Variants in TEX9 observed in about 807,000 individuals in gnomAD.
The protein encoded by TEX9 is testis expressed 9.
TEX9 carries 74 observed loss-of-function variants against 59.6 expected under a neutral mutation model. The ratio of observed to expected loss-of-function variants is 1.24; its 90% CI spans 1.03 to 1.51. TEX9 has a LOEUF of 1.51. TEX9 is among the 40% of genes most tolerant of loss of function. The probability of loss-of-function intolerance (pLI) is 0.00; values close to 1 mark genes in which losing one functional copy is unlikely to be tolerated. For missense variants in TEX9, 522 were observed against 447.8 expected (o/e 1.17, Z -1.49); for synonymous variants, 186 against 152.2 (o/e 1.22, Z -1.64).
chr15:56,400,255 GCTAA>G (rs1328978608), intron 9 of TEX9, among the ~76,000 whole-genome samples: 1 of 152,156 alleles, frequency 6.6e-6, no homozygotes, highest in Non-Finnish European at 1.5e-5. Flanking sequence ...TAGACGAATG[GCTAA>G]CTAGAATAAA....
At chr15:56,324,363 G>A (rs1228043789) in intron 1 of TEX9, among the ~76,000 whole-genome samples, 1 of 152,022 alleles carries the variant, frequency 6.6e-6, no homozygotes, top group African/African-American at 2.4e-5. Flanking sequence ...GTTCATTTTG[G>A]ACAGTGTGGG....
intron 3 of TEX9, among the ~76,000 whole-genome samples, chr15:56,380,900 CTT>C (rs1382252985): frequency 2.6e-5 from 4 of 152,060 alleles, no homozygotes; most frequent in Non-Finnish European, 2.9e-5. Flanking sequence ...TTGAGGCAGT[CTT>C]TTTTGGGTTA....
intron 1 of TEX9, among the ~76,000 whole-genome samples, chr15:56,300,222 G>T (rs72740541): frequency 0.069 from 10,519 of 152,106 alleles, 451 homozygotes; most frequent in Non-Finnish European, 0.1. Context: ...CAGTAGCCAG[G>T]CAGTACTTGC....
At chr15:56,284,799 G>C (rs1413385503) in intron 1 of TEX9, among the ~76,000 whole-genome samples, 4 of 151,858 alleles carry the variant, frequency 2.6e-5, no homozygotes, top group African/African-American at 4.8e-5. Context: ...TCCAAGTTCT[G>C]ATCTTCTCCC....
intron 1 of TEX9, among the ~76,000 whole-genome samples, chr15:56,319,921 C>G (rs1322028949): frequency 6.6e-6 from 1 of 152,146 alleles, no homozygotes; most frequent in Non-Finnish European, 1.5e-5. Context: ...TGGTCCATGT[C>G]AAAACATGGT....
chr15:56,306,257 CA>C (rs55882329), intron 1 of TEX9, among the ~76,000 whole-genome samples: 30,627 of 77,854 alleles, frequency 0.39, 2,956 homozygotes, highest in East Asian at 0.65. Flanking sequence ...AGGTACATAG[CA>C]AAAAAAAAAA....
intron 12 of TEX9, among the ~76,000 whole-genome samples, chr15:56,438,339 T>G (rs933464023): frequency 6.6e-6 from 1 of 151,928 alleles, no homozygotes; most frequent in Non-Finnish European, 1.5e-5. Flanking sequence ...GCTCTTTTTT[T>G]TTGTTACAAA....
intron 12 of TEX9, among the ~76,000 whole-genome samples, chr15:56,439,541 A>G (rs2050784009): frequency 1.3e-5 from 2 of 152,266 alleles, no homozygotes; most frequent in Admixed American, 6.5e-5. Flanking sequence ...AGAACAAAAT[A>G]GAGACCACAG....
chr15:56,260,173 T>C (rs1278749347), intron 1 of TEX9, among the ~76,000 whole-genome samples: 1 of 152,148 alleles, frequency 6.6e-6, no homozygotes, highest in African/African-American at 2.4e-5. Flanking sequence ...TTTACAATCA[T>C]GTCATCTGAA....
At chr15:56,288,721 G>C (rs1160545828) in intron 1 of TEX9, among the ~76,000 whole-genome samples, 1 of 152,010 alleles carries the variant, frequency 6.6e-6, no homozygotes, top group Non-Finnish European at 1.5e-5. Flanking sequence ...GTGTAGTCTT[G>C]TTTGTATTGA....
rs548569289 is a variant in TEX9, at chr15:56,278,592, T to C, written c.-107+34314T>C. 1.6e-3 allele frequency among the ~76,000 whole-genome samples: 242 copies of C among 152,298 alleles called. 2 individuals are homozygous for C. Among genetic ancestry groups the C allele is most frequent in the African/African-American group, 5.7e-3 (235 of 41,566 alleles). On this transcript the variant is annotated intron_variant, in intron 1 of 5. Coordinates refer to the TEX9 transcript ENST00000560827. ...TCTAGAAAATGTCTTTATGGGGATA[T>C]GGGTAGTATTTTTGAAGCAGTTCTT...
chr15:56,340,534 CT>C (rs1442692215), intron 1 of TEX9, among the ~76,000 whole-genome samples: 2 of 152,092 alleles, frequency 1.3e-5, no homozygotes, highest in Non-Finnish European at 2.9e-5. Flanking sequence ...AAATCCATCT[CT>C]GCTTATGAGA....
chr15:56,319,881 A>G lies in TEX9; in HGVS notation c.-106-53560A>G, dbSNP rs1162723835. 3.9e-5 allele frequency among the ~76,000 whole-genome samples: 6 copies of G among 152,342 alleles called. No homozygotes were observed. The East Asian group carries it at 7.7e-4, about 20-fold the overall frequency. Reference sequence around the variant, plus strand: ...ACTGGAGGATGGGTAGGTTCAATGCAAAACATAGGTTTGTTGAATGTGAGG... The same window carrying G: ...ACTGGAGGATGGGTAGGTTCAATGCGAAACATAGGTTTGTTGAATGTGAGG... On this transcript the variant is annotated intron_variant, in intron 1 of 5. Transcript: ENST00000560827.
chr15:56,363,653 A>T (rs1264525575), upstream of TEX9, among the ~76,000 whole-genome samples: 8 of 150,426 alleles, frequency 5.3e-5, no homozygotes, highest in Admixed American at 2.0e-4. Context: ...TTTTTTAAAA[A>T]TTTTTTTAAA....
At chr15:56,257,526 G>A (rs549597200) in intron 1 of TEX9, among the ~76,000 whole-genome samples, 3 of 152,174 alleles carry the variant, frequency 2.0e-5, no homozygotes, top group African/African-American at 2.4e-5. Context: ...GTTTTGATTT[G>A]CATCTCTTAT....
chr15:56,402,244 A>G (rs1463882689), intron 9 of TEX9, among the ~76,000 whole-genome samples: 1 of 152,202 alleles, frequency 6.6e-6, no homozygotes, highest in Admixed American at 6.5e-5. Context: ...CGCTAGCAAG[A>G]CTAATAAAGA....
At chr15:56,268,413 G>A (rs2044441958) in intron 1 of TEX9, among the ~76,000 whole-genome samples, 1 of 152,156 alleles carries the variant, frequency 6.6e-6, no homozygotes, top group South Asian at 2.1e-4. Context: ...AGTTTTCAAA[G>A]GGAATGCTTC....
intron 1 of TEX9, among the ~76,000 whole-genome samples, chr15:56,339,181 C>G (rs1387509815): frequency 6.6e-6 from 1 of 150,986 alleles, no homozygotes; most frequent in Non-Finnish European, 1.5e-5. Context: ...TCAGGAGTTC[C>G]AGACTAGCCT....
At chr15:56,375,537 AT>A (rs1161954579) in intron 3 of TEX9, among the ~76,000 whole-genome samples, 1 of 151,814 alleles carries the variant, frequency 6.6e-6, no homozygotes. Flanking sequence ...CCATTTGTCA[AT>A]TTTGTCTTTT....
Sources: gnomAD v4.1 joint callset for allele counts (sites outside exome capture counted in the v4.1 genomes callset) on GRCh38, gnomAD v4.1.1 for gene constraint, MANE v1.5 for transcripts, NCBI Gene and HGNC (gene_info 2026-07-23, HGNC 2026-07-21) for gene names.